Variants in CLCN3 observed in about 807,000 individuals in gnomAD.
CLCN3 encodes Cl-/H+ antiporter 3, also known as H(+)/Cl(-) exchange transporter 3.
A neutral mutation model predicts 83.4 loss-of-function variants in CLCN3; 16 were observed. The ratio of observed to expected loss-of-function variants is 0.19; its 90% CI spans 0.13 to 0.29. CLCN3 has a LOEUF of 0.29. Among genes scored for constraint, CLCN3 ranks in the 10% least tolerant of loss-of-function variants. The pLI is 1.00. For synonymous variants in CLCN3, 322 were observed against 346.2 expected, an observed-to-expected ratio of 0.93 and a Z score of 0.78; for missense variants, 544 against 1,006.0, an observed-to-expected ratio of 0.54 and a Z score of 6.21.
At chr4:169,717,649 C>A in intron 12 of CLCN3, 1 of 486,006 alleles carries the variant, frequency 2.1e-6, no homozygotes, top group South Asian at 5.3e-5. Context: ...AACTTTAAAT[C>A]ATTTTGTTTT....
intron 2 of CLCN3, among the ~76,000 whole-genome samples, chr4:169,667,250 A>G (rs1731279136): frequency 6.6e-6 from 1 of 152,080 alleles, no homozygotes; most frequent in Non-Finnish European, 1.5e-5. Flanking sequence ...TCAAAAGACT[A>G]TTCTTTCCTC....
intron 8 of CLCN3, among the ~76,000 whole-genome samples, chr4:169,696,475 A>G (rs1241133343): frequency 6.6e-6 from 1 of 152,140 alleles, no homozygotes; most frequent in Non-Finnish European, 1.5e-5. Flanking sequence ...GTGTCTATAC[A>G]TGTATACATT....
At chr4:169,621,211 A>C (rs1309962441) in intron 1 of CLCN3, 148 bp downstream of exon 1, 1 of 308,524 alleles carries the variant, frequency 3.2e-6, no homozygotes, top group African/African-American at 2.1e-5. Context: ...ATGCTAACCC[A>C]TCCTGATTAG....
chr4:169,667,947 G>T (rs1165889778), intron 2 of CLCN3, among the ~76,000 whole-genome samples: 1 of 150,852 alleles, frequency 6.6e-6, no homozygotes, highest in Non-Finnish European at 1.5e-5. Context: ...CACCATATTG[G>T]CCAGGCTGCT....
At chr4:169,644,665 A>T (rs917069503) in intron 2 of CLCN3, among the ~76,000 whole-genome samples, 1 of 152,198 alleles carries the variant, frequency 6.6e-6, no homozygotes, top group Non-Finnish European at 1.5e-5. Flanking sequence ...AAGACAAAGA[A>T]TGTTATGGTC....
intron 2 of CLCN3, among the ~76,000 whole-genome samples, chr4:169,675,223 G>A (rs1731630280): frequency 1.3e-5 from 2 of 152,208 alleles, no homozygotes; most frequent in African/African-American, 2.4e-5. Context: ...TATCTCAGGA[G>A]TAATAAAATT....
chr4:169,645,913 C>T (rs892876765), intron 2 of CLCN3, among the ~76,000 whole-genome samples: 1 of 152,062 alleles, frequency 6.6e-6, no homozygotes, highest in African/African-American at 2.4e-5. Context: ...TATAGCCTGC[C>T]CTCCTCCTAA....
At position 169,689,221 on chromosome 4, in the gene CLCN3, T is replaced by C; in HGVS notation, c.597T>C (p.Gly199=). The change falls in exon 5 of 13, where the codon GGT becomes GGC. Residue 199 remains glycine, a synonymous_variant. Coordinates refer to ENST00000513761, the MANE Select transcript of CLCN3 (RefSeq NM_001829.4). Reference sequence around the variant, plus strand: ...AAACATGGGCAGAATTAATCATAGGTCAAGCAGAGGTAAGTCTTGCTTTGT... The same window carrying C: ...AAACATGGGCAGAATTAATCATAGGCCAAGCAGAGGTAAGTCTTGCTTTGT... The part of the protein sequence containing the change: ...QWKTWAELII[G]QAEGPGSYIM... 6.2e-7 allele frequency: 1 copy of C among 1,611,516 alleles called. No individual in the cohort carries two copies. Among genetic ancestry groups the C allele is most frequent in the South Asian group, 1.1e-5 (1 of 90,440 alleles).
At chr4:169,653,397 T>C (rs1448601294) in intron 2 of CLCN3, among the ~76,000 whole-genome samples, 1 of 152,078 alleles carries the variant, frequency 6.6e-6, no homozygotes, top group East Asian at 1.9e-4. Context: ...CCCTGCACTT[T>C]GGGAGGCCCA....
At chr4:169,690,883 T>C (rs1732342341) in intron 6 of CLCN3, among the ~76,000 whole-genome samples, 3 of 152,188 alleles carry the variant, frequency 2.0e-5, no homozygotes, top group Admixed American at 2.0e-4. Flanking sequence ...TCACCACTAA[T>C]TTAACACATG....
At chr4:169,687,797 G>T (rs746652012) in intron 4 of CLCN3, 40 bp downstream of exon 4, 1 of 1,189,986 alleles carries the variant, frequency 8.4e-7, no homozygotes, top group South Asian at 1.4e-5. Flanking sequence ...TTAGTTAACA[G>T]AAGTATAAAC....
At chr4:169,681,533 A>G (rs916898591) in intron 3 of CLCN3, among the ~76,000 whole-genome samples, 2 of 152,206 alleles carry the variant, frequency 1.3e-5, no homozygotes, top group Non-Finnish European at 2.9e-5. Flanking sequence ...GGGCATATCT[A>G]AAAATAAAAT....
intron 2 of CLCN3, among the ~76,000 whole-genome samples, chr4:169,673,044 T>C (rs10000743): frequency 0.97 from 147,805 of 152,286 alleles, 71,872 homozygotes; most frequent in Middle Eastern, 1. Context: ...ATTTTAAAGC[T>C]ATTGTTATTG....
intron 3 of CLCN3, among the ~76,000 whole-genome samples, chr4:169,684,647 G>A (rs939129354): frequency 6.6e-6 from 1 of 152,108 alleles, no homozygotes; most frequent in Non-Finnish European, 1.5e-5. Flanking sequence ...TATAATATAG[G>A]TACAATCTAG....
intron 2 of CLCN3, among the ~76,000 whole-genome samples, chr4:169,649,809 C>T (rs1025862636): frequency 1.3e-5 from 2 of 152,124 alleles, no homozygotes; most frequent in African/African-American, 2.4e-5. Context: ...AAAGGCTGGG[C>T]GCGGTGGCTC....
intron 4 of CLCN3, 134 bp downstream of exon 4, chr4:169,687,891 T>G (rs1732224196): frequency 3.7e-6 from 2 of 536,868 alleles, no homozygotes; most frequent in South Asian, 5.7e-5. Flanking sequence ...AAAAATCTCC[T>G]TAAATATAAG....
chr4:169,649,972 C>T (rs1730687035), intron 2 of CLCN3, among the ~76,000 whole-genome samples: 1 of 151,988 alleles, frequency 6.6e-6, no homozygotes, highest in Non-Finnish European at 1.5e-5. Context: ...GTAGTCCCAG[C>T]TACTTGGGAG....
At chr4:169,699,134 G>A (rs569381217) in intron 9 of CLCN3, among the ~76,000 whole-genome samples, 1 of 152,164 alleles carries the variant, frequency 6.6e-6, no homozygotes, top group East Asian at 1.9e-4. Flanking sequence ...TTAAGTTATG[G>A]ACATCTTTGA....
intron 4 of CLCN3, 76 bp downstream of exon 4, chr4:169,687,833 T>C (rs1732222294): frequency 1.4e-6 from 1 of 713,016 alleles, no homozygotes; most frequent in East Asian, 3.0e-5. Flanking sequence ...CCCTCAATTT[T>C]TTTTCAGGTA....
Sources: allele counts gnomAD v4.1 joint callset (sites outside exome capture counted in the v4.1 genomes callset), GRCh38; gene constraint gnomAD v4.1.1; transcripts MANE v1.5; gene names NCBI Gene and HGNC (gene_info 2026-07-23, HGNC 2026-07-21).